RREB1: variants seen among roughly 807,000 people sequenced by gnomAD.
The protein encoded by RREB1 is ras-responsive element-binding protein 1.
RREB1 carries 27 observed loss-of-function variants against 117.8 expected under a neutral mutation model. The ratio of observed to expected loss-of-function variants is 0.23; its 90% CI spans 0.17 to 0.32. The LOEUF (loss-of-function observed/expected upper bound fraction) is 0.32, where lower values mean the gene tolerates loss of function less well. RREB1 is among the 10% of genes least tolerant of loss of function. RREB1 has a pLI of 1.00. For synonymous variants in RREB1, 1,298 were observed against 1,026.7 expected, an observed-to-expected ratio of 1.26 and a Z score of -5.05; for missense variants, 2,577 against 2,378.2, an observed-to-expected ratio of 1.08 and a Z score of -1.74.
chr6:7,220,530 G>T (rs1767188989), intron 8 of RREB1, among the ~76,000 whole-genome samples: 1 of 152,140 alleles, frequency 6.6e-6, no homozygotes, highest in African/African-American at 2.4e-5. Context: ...ATTCTACAAA[G>T]AGATACACTT....
chr6:7,153,170 G>T (rs1394570297), intron 1 of RREB1, among the ~76,000 whole-genome samples: 10 of 129,774 alleles, frequency 7.7e-5, no homozygotes, highest in Non-Finnish European at 1.6e-4. Flanking sequence ...CTGGTAAGTT[G>T]TATACTGTTG....
intron 1 of RREB1, among the ~76,000 whole-genome samples, chr6:7,132,999 T>C (rs1453522685): frequency 6.6e-6 from 1 of 152,218 alleles, no homozygotes; most frequent in African/African-American, 2.4e-5. Flanking sequence ...GCAATACAAG[T>C]AGTCAAATTG....
chr6:7,117,581 T>A (rs566850954), intron 1 of RREB1, among the ~76,000 whole-genome samples: 5 of 150,904 alleles, frequency 3.3e-5, no homozygotes, highest in Admixed American at 6.6e-5. Flanking sequence ...AATTTTTGTA[T>A]TTTTTTTAGT....
At chr6:7,182,757 CAG>C (rs774464938) in intron 4 of RREB1, among the ~76,000 whole-genome samples, 7 of 152,308 alleles carry the variant, frequency 4.6e-5, no homozygotes, top group African/African-American at 1.4e-4. Flanking sequence ...TGGAAGGAGG[CAG>C]AGAGTGAATA....
intron 1 of RREB1, among the ~76,000 whole-genome samples, chr6:7,124,140 T>C (rs1010894277): frequency 2.0e-5 from 3 of 152,210 alleles, no homozygotes; most frequent in African/African-American, 7.2e-5. Flanking sequence ...TCGTTGATTT[T>C]ATTTTTTGTT....
chr6:7,226,786 C>T (rs757655244), intron 9 of RREB1, 130 bp downstream of exon 9: 173 of 722,720 alleles, frequency 2.4e-4, no homozygotes, highest in Non-Finnish European at 3.8e-4. Context: ...TTTTTTGTAA[C>T]ACCTTTTTTC....
chr6:7,229,859 C>T lies in RREB1; in HGVS notation c.1760C>T (p.Pro587Leu), dbSNP rs955057468. 5.6e-6 allele frequency: 9 copies of T among 1,610,430 alleles called. No homozygotes were observed. The highest frequency in any genetic ancestry group is 2.7e-5 in the African/African-American group (2 of 74,994). The change falls in exon 10 of 13, where the codon CCG (proline) becomes CTG (leucine). Residue 587 changes from proline (P) to leucine (L), a missense_variant. Coordinates refer to ENST00000379938, the MANE Select transcript of RREB1 (RefSeq NM_001003699.4). The surrounding 1 kb of genome is among the most constrained non-coding windows in gnomAD (Gnocchi z 4.5). ...CTGCAGCAGCCGCGGGCGGAGCTGC[C>T]GGGCCAGCCTGAGATGAAGACGCAG... The part of the protein sequence containing the change: ...LSLQQPRAEL[P>L]GQPEMKTQLE...
At chr6:7,111,195 G>A (rs922928227) in intron 1 of RREB1, among the ~76,000 whole-genome samples, 8 of 152,212 alleles carry the variant, frequency 5.3e-5, no homozygotes, top group African/African-American at 1.7e-4. Flanking sequence ...ACTGTACAGT[G>A]TAGCTGCCTT....
chr6:7,180,957 A>G (rs147287515), intron 2 of RREB1, among the ~76,000 whole-genome samples, 167 bp from the exon 3 acceptor site: 10 of 152,252 alleles, frequency 6.6e-5, no homozygotes, highest in Non-Finnish European at 1.5e-4. Context: ...GTTGAGAAAC[A>G]GCTGTAGAAT....
At chr6:7,147,518 G>A (rs904128134) in intron 1 of RREB1, among the ~76,000 whole-genome samples, 3 of 152,194 alleles carry the variant, frequency 2.0e-5, no homozygotes, top group Non-Finnish European at 2.9e-5. Flanking sequence ...AAAGGGACAA[G>A]ATGAGCCCTT....
chr6:7,165,872 G>A (rs1370079758), intron 1 of RREB1, among the ~76,000 whole-genome samples: 1 of 152,086 alleles, frequency 6.6e-6, no homozygotes, highest in South Asian at 2.1e-4. Context: ...CATTTGGGGG[G>A]AGTTTGGGGG....
At position 7,231,201 on chromosome 6, in the gene RREB1, C is replaced by T; in HGVS notation, c.3102C>T (p.Ala1034=). The part of the protein sequence containing the change: ...VSSPPLVGSS[A]LLSGTALLRP... ...GCCCTCCACTCGTGGGCAGCTCAGCCCTCCTGAGTGGCACAGCCTTGCTGC... is the reference window on the plus strand; with the variant it reads ...GCCCTCCACTCGTGGGCAGCTCAGCTCTCCTGAGTGGCACAGCCTTGCTGC... Residue 1034 remains alanine, a synonymous_variant, in exon 10 of 13, where the codon GCC becomes GCT. Transcript: ENST00000379938. The T allele has an allele frequency of 5.0e-6, 8 of 1,611,844 alleles. No homozygotes were observed. The highest frequency in any genetic ancestry group is 6.8e-6 in the Non-Finnish European group (8 of 1,179,348).
chr6:7,230,893 A>G lies in RREB1; in HGVS notation c.2794A>G (p.Met932Val), dbSNP rs1056553782. 4.3e-6 allele frequency: 7 copies of G among 1,614,046 alleles called. No homozygotes were observed. The highest frequency in any genetic ancestry group is 1.1e-5 in the South Asian group (1 of 91,088). Residue 932 changes from methionine (M) to valine (V), a missense_variant, in exon 10 of 13, where the codon ATG becomes GTG. By Grantham distance (21) the Met-to-Val change is conservative. Coordinates refer to ENST00000379938, the MANE Select transcript of RREB1 (RefSeq NM_001003699.4). ...TTCCCTGGTCCCCTATGACTGCTCC[A>G]TGGAGCCCATCGACCTGTCCATCCC... Reference protein sequence around the residue: ...PSSLVPYDCSMEPIDLSIPKN... With the variant: ...PSSLVPYDCSVEPIDLSIPKN...
chr6:7,192,116 ATTTTTTTTT>A lies in RREB1; in HGVS notation c.425+2813_425+2821del, dbSNP rs34074532. 3.8e-3 allele frequency among the ~76,000 whole-genome samples: 58 copies of A among 15,322 alleles called. 1 individual carries two copies. Among genetic ancestry groups the A allele is most frequent in the South Asian group, 0.034 (6 of 174 alleles). The allele number at this position is 15,322 out of a possible 152,430, so 10.1% of individuals were successfully genotyped here. Reference sequence around the variant, plus strand: ...AAAAGGTATTGGATTTTGTCAGATGATTTTTTTTTTTTTTTTTTTTTTTTTTTGCATCTA... The same window carrying A: ...AAAAGGTATTGGATTTTGTCAGATGATTTTTTTTTTTTTTTTTTGCATCTA... On this transcript the variant is annotated intron_variant, in intron 6 of 12. Transcript: ENST00000379938.
intron 6 of RREB1, among the ~76,000 whole-genome samples, chr6:7,199,680 T>C (rs1765844411): frequency 6.6e-6 from 1 of 152,106 alleles, no homozygotes; most frequent in African/African-American, 2.4e-5. Context: ...TTGTTTTGTT[T>C]TGAGACGGGG....
chr6:7,140,500 T>C (rs1762518300), intron 1 of RREB1: 1 of 152,226 alleles, frequency 6.6e-6, no homozygotes, highest in Non-Finnish European at 1.5e-5. Flanking sequence ...AATAAACGTG[T>C]TTTGGATATC....
At position 7,118,339 on chromosome 6, in the gene RREB1, T is replaced by G. The variant is rs978071737; in HGVS notation, c.-285+10279T>G. ...TTTCACTATGTTGGCCAGGCTGGTC[T>G]CAAACTCCCAACCTCATGTGATCTG... On this transcript the variant is annotated intron_variant, in intron 1 of 12. Coordinates refer to ENST00000379938, the MANE Select transcript of RREB1 (RefSeq NM_001003699.4). Among the ~76,000 whole-genome samples the G allele has an allele frequency of 2.0e-5, 3 of 152,310 alleles. No homozygotes were observed. In the East Asian group the frequency reaches 5.8e-4, roughly 29 times the overall value.
chr6:7,198,022 C>T (rs993816151), intron 6 of RREB1, among the ~76,000 whole-genome samples: 6 of 152,174 alleles, frequency 3.9e-5, no homozygotes, highest in African/African-American at 1.4e-4. Flanking sequence ...AGACAAGGAG[C>T]AGAGGTAGCA....
intron 1 of RREB1, among the ~76,000 whole-genome samples, chr6:7,157,358 C>T (rs1254799804): frequency 2.0e-5 from 3 of 151,476 alleles, no homozygotes; most frequent in East Asian, 3.9e-4. Flanking sequence ...TGCTTGAACC[C>T]GGGAGGTGGA....
Sources: allele counts gnomAD v4.1 joint callset (sites outside exome capture counted in the v4.1 genomes callset), GRCh38; gene constraint gnomAD v4.1.1; non-coding constraint Gnocchi (gnomAD v3.1); transcripts MANE v1.5; gene names NCBI Gene and HGNC (gene_info 2026-07-23, HGNC 2026-07-21).